TLN2: variants seen among roughly 807,000 people sequenced by gnomAD.
The protein encoded by TLN2 is talin 2.
Under a neutral mutation model 294.7 loss-of-function variants are expected in TLN2, and 118 were observed. The observed-to-expected ratio is 0.40, with a 90% CI of 0.34 to 0.47. The LOEUF (loss-of-function observed/expected upper bound fraction) is 0.47, where lower values mean the gene tolerates loss of function less well. Ranked by LOEUF, TLN2 falls within the 20% of genes least tolerant of loss-of-function variation. The pLI, the probability that TLN2 is intolerant of heterozygous loss-of-function variation, is 0.84. For synonymous variants in TLN2, 1,431 were observed against 1,304.5 expected (o/e 1.10, Z -2.09); for missense variants, 3,083 against 3,282.2 (o/e 0.94, Z 1.48).
chr15:62,694,387 A>C lies in TLN2; in HGVS notation c.1287A>C (p.Pro429=). The C allele has an allele frequency of 6.2e-7, 1 of 1,613,678 alleles. No individual in the cohort carries two copies. Among genetic ancestry groups the C allele is most frequent in the Non-Finnish European group, 8.5e-7 (1 of 1,179,618 alleles). ...ESTMLEESVS[P]KKSTILQQQF... is the part of the protein sequence containing the mutation. Reference sequence around the variant, plus strand: ...CCATGTTAGAAGAGTCCGTTTCCCCAAAAAAGTAAGTATTATGAAGAGTAC... The same window carrying C: ...CCATGTTAGAAGAGTCCGTTTCCCCCAAAAAGTAAGTATTATGAAGAGTAC... The change falls in exon 14 of 59, where the codon CCA becomes CCC. Residue 429 remains proline (P), a synonymous_variant. Transcript: ENST00000636159.
At chr15:62,740,172 G>A (rs549463962) in intron 31 of TLN2, among the ~76,000 whole-genome samples, 1 of 151,636 alleles carries the variant, frequency 6.6e-6, no homozygotes, top group Non-Finnish European at 1.5e-5. Flanking sequence ...GTGCTTTCCC[G>A]AGTCAGGAAC....
chr15:62,825,784 A>G lies in TLN2; in HGVS notation c.7002+5174A>G, dbSNP rs1250149570. Among the ~76,000 whole-genome samples the G allele has an allele frequency of 5.3e-3, 78 of 14,618 alleles. 4 individuals carry two copies. The highest frequency in any genetic ancestry group is 0.015 in the African/African-American group (74 of 4,852). The allele number at this position is 14,618 out of a possible 152,430, so 9.6% of individuals were successfully genotyped here. A position where few individuals can be genotyped will look rare whatever the true frequency, so the allele number is the denominator to read the frequency against. On this transcript the variant is annotated intron_variant, in intron 54 of 58. Coordinates refer to ENST00000636159, the MANE Select transcript of TLN2 (RefSeq NM_015059.3). The stretch of plus-strand genomic sequence containing the variant: ...ATAATTATATATTATATAATATATT[A>G]TATATTATAATATATATTATATATT...
intron 1 of TLN2, among the ~76,000 whole-genome samples, chr15:62,454,771 GCTT>G (rs2036364888): frequency 6.6e-6 from 1 of 152,156 alleles, no homozygotes; most frequent in African/African-American, 2.4e-5. Flanking sequence ...TGGAACACTG[GCTT>G]CTTTCATTCG....
chr15:62,694,442 G>T, intron 14 of TLN2, 50 bp downstream of exon 14: 1 of 1,540,754 alleles, frequency 6.5e-7, no homozygotes, highest in Non-Finnish European at 9.0e-7. Flanking sequence ...TAGATAGGTA[G>T]GTTTCCTCTT....
intron 1 of TLN2, among the ~76,000 whole-genome samples, chr15:62,512,324 A>C (rs544157932): frequency 3.3e-5 from 5 of 151,704 alleles, no homozygotes; most frequent in Non-Finnish European, 5.9e-5. Flanking sequence ...TCACTTCTGG[A>C]CCTCTCGGTT....
chr15:62,590,243 T>G (rs1221725205), intron 2 of TLN2, among the ~76,000 whole-genome samples: 1 of 152,118 alleles, frequency 6.6e-6, no homozygotes, highest in Non-Finnish European at 1.5e-5. Context: ...TTGTACAGAT[T>G]ATTTCATCAC....
intron 1 of TLN2, among the ~76,000 whole-genome samples, chr15:62,451,378 T>C (rs8037362): frequency 0.043 from 6,600 of 152,210 alleles, 225 homozygotes; most frequent in African/African-American, 0.095. Context: ...TTGGCTGGGC[T>C]GGGCACAGTG....
chr15:62,480,754 A>T (rs1448372291), intron 1 of TLN2, among the ~76,000 whole-genome samples: 1 of 151,906 alleles, frequency 6.6e-6, no homozygotes, highest in Non-Finnish European at 1.5e-5. Flanking sequence ...TTGTGCCGGG[A>T]TGTACTTTTT....
intron 5 of TLN2, among the ~76,000 whole-genome samples, chr15:62,651,027 T>G (rs1422413204): frequency 1.3e-5 from 2 of 152,224 alleles, no homozygotes; most frequent in Admixed American, 1.3e-4. Flanking sequence ...TCATTATTTC[T>G]AAGATATAAG....
At chr15:62,505,763 G>A (rs2039582524) in intron 1 of TLN2, among the ~76,000 whole-genome samples, 2 of 152,170 alleles carry the variant, frequency 1.3e-5, no homozygotes, top group African/African-American at 4.8e-5. Context: ...ACATGAGGAA[G>A]GTGGAAGGAA....
chr15:62,536,010 C>T (rs1258161950), intron 1 of TLN2, among the ~76,000 whole-genome samples: 1 of 152,136 alleles, frequency 6.6e-6, no homozygotes, highest in Non-Finnish European at 1.5e-5. Context: ...GAGTTTTGCT[C>T]CTTGGAATAA....
chr15:62,833,016 C>G (rs937686639), intron 54 of TLN2: 3 of 152,170 alleles, frequency 2.0e-5, no homozygotes, highest in Admixed American at 1.3e-4. Context: ...GAAAATGAGT[C>G]TGTCTGCAAA....
At chr15:62,817,955 A>G (rs527696489) in intron 52 of TLN2, among the ~76,000 whole-genome samples, 115 of 150,902 alleles carry the variant, frequency 7.6e-4, no homozygotes, top group African/African-American at 2.7e-3. Context: ...GATTAGAGGC[A>G]CCCGCCACCA....
At chr15:62,556,913 C>T (rs951779391) in intron 1 of TLN2, among the ~76,000 whole-genome samples, 6 of 152,150 alleles carry the variant, frequency 3.9e-5, no homozygotes, top group African/African-American at 1.4e-4. Context: ...ATCAAATTAA[C>T]TGTAATCAGG....
At chr15:62,744,404 ATTT>A (rs71131126) in intron 32 of TLN2, among the ~76,000 whole-genome samples, 39 of 125,026 alleles carry the variant, frequency 3.1e-4, no homozygotes, top group Admixed American at 1.5e-3. Flanking sequence ...GTTATTTTTA[ATTT>A]TTTTTTTTTT....
At chr15:62,639,497 A>C (rs970162723) in intron 3 of TLN2, among the ~76,000 whole-genome samples, 1 of 152,212 alleles carries the variant, frequency 6.6e-6, no homozygotes, top group African/African-American at 2.4e-5. Flanking sequence ...GAAGTGTTCA[A>C]ACAGTAGTCC....
chr15:62,545,378 A>G (rs1333788283), intron 1 of TLN2, among the ~76,000 whole-genome samples: 1 of 152,190 alleles, frequency 6.6e-6, no homozygotes, highest in Non-Finnish European at 1.5e-5. Flanking sequence ...TTGTCTGTTG[A>G]AGAGGAAAGA....
At chr15:62,468,216 T>C (rs1433685274) in intron 1 of TLN2, among the ~76,000 whole-genome samples, 4 of 152,152 alleles carry the variant, frequency 2.6e-5, no homozygotes, top group Non-Finnish European at 2.9e-5. Flanking sequence ...AGCTTAAGCA[T>C]TGCCACCTAA....
At chr15:62,434,236 C>T (rs2035172839) in intron 1 of TLN2, among the ~76,000 whole-genome samples, 1 of 152,088 alleles carries the variant, frequency 6.6e-6, no homozygotes, top group African/African-American at 2.4e-5. Context: ...GTATATGTGT[C>T]TTTATGTTCT....
Sources: gnomAD v4.1 joint callset for allele counts (sites outside exome capture counted in the v4.1 genomes callset) on GRCh38, gnomAD v4.1.1 for gene constraint, MANE v1.5 for transcripts, NCBI Gene and HGNC (gene_info 2026-07-23, HGNC 2026-07-21) for gene names.